The following GSN variants were observed in gnomAD, a reference collection of about 807,000 sequenced individuals.
GSN encodes the protein actin-depolymerizing factor.
In GSN, 56 loss-of-function variants were observed where a neutral mutation model predicts 85.7. The ratio of observed to expected loss-of-function variants is 0.65; its 90% CI spans 0.53 to 0.82. The LOEUF (loss-of-function observed/expected upper bound fraction) is 0.82, where lower values mean the gene tolerates loss of function less well. Ranked by LOEUF, GSN falls within the 40% of genes least tolerant of loss-of-function variation. The probability of loss-of-function intolerance (pLI) is 0.00; values close to 1 mark genes in which losing one functional copy is unlikely to be tolerated. For missense variants in GSN, 857 were observed against 979.8 expected (o/e 0.87, Z 1.67); for synonymous variants, 373 against 399.1 (o/e 0.93, Z 0.78).
intron 1 of GSN, among the ~76,000 whole-genome samples, chr9:121,270,589 C>T (rs1034083): frequency 1 from 152,238 of 152,322 alleles, 76,077 homozygotes; most frequent in Middle Eastern, 1. Context: ...AGCATTGTAA[C>T]TTTTTTTTCT....
In GSN at chr9:121,329,107, G is replaced by C; in HGVS notation, c.1887+92G>C. The C allele has an allele frequency of 6.4e-7, 1 of 1,562,626 alleles. No individual in the cohort carries two copies. The highest frequency in any genetic ancestry group is 8.8e-7 in the Non-Finnish European group (1 of 1,142,770). On this transcript the variant is annotated intron_variant, in intron 15 of 17. Transcript: ENST00000432226. This position sits in a 1 kb window ranked among gnomAD's most constrained non-coding sequence, Gnocchi z 4.6. ...CAGCAGGGGCAGGAGAAACAGTTCT[G>C]ATGGTGTGGCACAGAGGAAGGGGCC...
At chr9:121,250,202 CTTTTTTTTTT>C (rs542805619) in intron 6 of GSN, among the ~76,000 whole-genome samples, 1 of 127,562 alleles carries the variant, frequency 7.8e-6, no homozygotes, top group Non-Finnish European at 1.6e-5. Flanking sequence ...AGATCCTTCT[CTTTTTTTTTT>C]TTTTTTTTTT....
intron 5 of GSN, among the ~76,000 whole-genome samples, chr9:121,245,512 A>G (rs889646876): frequency 2.0e-5 from 3 of 152,122 alleles, no homozygotes; most frequent in Non-Finnish European, 4.4e-5. Context: ...GTGCACCACC[A>G]TGCCCAGTTA....
intron 10 of GSN, among the ~76,000 whole-genome samples, chr9:121,319,614 C>T (rs1380686264): frequency 2.0e-5 from 3 of 151,710 alleles, no homozygotes; most frequent in African/African-American, 4.8e-5. Context: ...TGAGCCACTG[C>T]GCCCGGCCAC....
chr9:121,332,607 G>A lies in GSN; in HGVS notation c.*4G>A, dbSNP rs1406292881. On this transcript the variant is annotated 3_prime_UTR_variant, in exon 18 of 18. Coordinates refer to ENST00000432226, the MANE Select transcript of GSN (RefSeq NM_198252.3). The surrounding 1 kb of genome is among the most constrained non-coding windows in gnomAD (Gnocchi z 4.8). Reference sequence around the variant, plus strand: ...CATGGCTGAGCTGGCTGCCTGAGGAGGGGCAGGGCCCACCCATGTCACCGG... The same window carrying A: ...CATGGCTGAGCTGGCTGCCTGAGGAAGGGCAGGGCCCACCCATGTCACCGG... The A allele has an allele frequency of 6.2e-7, 1 of 1,611,894 alleles. No homozygotes were observed. Among genetic ancestry groups the A allele is most frequent in the East Asian group, 2.2e-5 (1 of 44,826 alleles).
intron 1 of GSN, among the ~76,000 whole-genome samples, chr9:121,269,736 G>A (rs1254582666): frequency 6.6e-6 from 1 of 152,190 alleles, no homozygotes; most frequent in Admixed American, 6.5e-5. Flanking sequence ...GAAGGTTTCT[G>A]TGTGAATCAG....
At chr9:121,313,007 C>A (rs306762) in intron 6 of GSN, 125,979 of 154,198 alleles carry the variant, frequency 0.82, 51,687 homozygotes, top group East Asian at 0.99. Context: ...CACAACTCCC[C>A]GACTACCCTG....
At chr9:121,284,703 G>A (rs2057850137) in intron 2 of GSN, 1 of 167,280 alleles carries the variant, frequency 6.0e-6, no homozygotes, top group Non-Finnish European at 1.5e-5. Flanking sequence ...GCTGGTTAGA[G>A]AGGTTTTGAA....
At chr9:121,298,663 A>T (rs1208256899) in intron 2 of GSN, among the ~76,000 whole-genome samples, 1 of 152,180 alleles carries the variant, frequency 6.6e-6, no homozygotes, top group Non-Finnish European at 1.5e-5. Flanking sequence ...TGCACAGTGG[A>T]GGTGGGAATG....
chr9:121,214,252 T>C (rs1204419499), intron 4 of GSN, among the ~76,000 whole-genome samples: 1 of 151,894 alleles, frequency 6.6e-6, no homozygotes, highest in Admixed American at 6.6e-5. Context: ...TCCTTCTCTC[T>C]CTTTCCTTCT....
chr9:121,249,234 G>A (rs1254139370), intron 6 of GSN, among the ~76,000 whole-genome samples: 1 of 152,068 alleles, frequency 6.6e-6, no homozygotes, highest in African/African-American at 2.4e-5. Context: ...TGAGGCGAGT[G>A]GATCACCTGA....
chr9:121,222,194 A>C (rs1055472370), intron 4 of GSN: 1 of 152,318 alleles, frequency 6.6e-6, no homozygotes, highest in African/African-American at 2.4e-5. Flanking sequence ...AATGTTTTCC[A>C]CCTACCTCTG....
intron 5 of GSN, among the ~76,000 whole-genome samples, chr9:121,235,577 G>T (rs187736889): frequency 3.7e-4 from 56 of 152,336 alleles, no homozygotes; most frequent in African/African-American, 1.3e-3. Flanking sequence ...CCCTTGAGGT[G>T]AGTGGCCCAG....
chr9:121,257,116 A>T (rs1427533470), intron 6 of GSN, among the ~76,000 whole-genome samples: 4 of 152,294 alleles, frequency 2.6e-5, no homozygotes, highest in Non-Finnish European at 5.9e-5. Context: ...ACCCCAAAAT[A>T]TGTACAACTA....
At chr9:121,240,108 C>T (rs1423485080) in intron 5 of GSN, 2 of 152,458 alleles carry the variant, frequency 1.3e-5, no homozygotes, top group Non-Finnish European at 2.9e-5. Flanking sequence ...CCCTGTGTGT[C>T]TGCACATTGT....
chr9:121,302,888 C>T (rs375622815), intron 3 of GSN, 23 bp from the exon 4 acceptor site: 12 of 1,612,590 alleles, frequency 7.4e-6, no homozygotes, highest in South Asian at 4.4e-5. Context: ...AAGCCAGGCT[C>T]ATATTGCTCT....
At position 121,327,185 on chromosome 9, in the gene GSN, A is replaced by C. The variant is rs759425226; in HGVS notation, c.1588-123A>C. ...TCCAAAGTCTGTGCCCTCAGCTCTG[A>C]TGGGCTGTGTTCCTCCAAGTCCCCA... On this transcript the variant is annotated intron_variant, in intron 13 of 17. Transcript: ENST00000432226. The C allele has an allele frequency of 9.4e-6, 8 of 848,638 alleles. No homozygotes were observed. In the East Asian group the frequency reaches 1.9e-4, roughly 20 times the overall value. The allele number at this position is 848,638 out of a possible 1,614,324, so 52.6% of individuals were successfully genotyped here.
At chr9:121,229,157 A>G (rs2054336937) in intron 4 of GSN, among the ~76,000 whole-genome samples, 1 of 152,182 alleles carries the variant, frequency 6.6e-6, no homozygotes, top group African/African-American at 2.4e-5. Context: ...TCAAGTCTCC[A>G]TTAACCTGGA....
chr9:121,202,401 C>T, the GSN span, among the ~76,000 whole-genome samples: 4 of 152,270 alleles, frequency 2.6e-5, no homozygotes, highest in Admixed American at 2.6e-4. Context: ...CCATTGTATC[C>T]ATGGAGAAAC....
Sources: gnomAD v4.1 joint callset for allele counts (sites outside exome capture counted in the v4.1 genomes callset) on GRCh38, gnomAD v4.1.1 for gene constraint, Gnocchi (gnomAD v3.1) non-coding constraint, MANE v1.5 for transcripts, NCBI Gene and HGNC (gene_info 2026-07-23, HGNC 2026-07-21) for gene names.